Variants in GALNT13 observed in about 807,000 individuals in gnomAD.
GALNT13 encodes UDP-GalNAc:polypeptide N-acetylgalactosaminyltransferase 13.
In GALNT13, 28 loss-of-function variants were observed where a neutral mutation model predicts 64.2. That is an observed-to-expected ratio of 0.44 (90% CI 0.32 to 0.60). GALNT13 has a LOEUF of 0.60. GALNT13 is among the 20% of genes least tolerant of loss of function. The pLI, the probability that GALNT13 is intolerant of heterozygous loss-of-function variation, is 0.05. For missense variants in GALNT13, 577 were observed against 669.8 expected, an observed-to-expected ratio of 0.86 and a Z score of 1.53; for synonymous variants, 214 against 224.6, an observed-to-expected ratio of 0.95 and a Z score of 0.42.
At chr2:153,739,333 T>C in the GALNT13 span, among the ~76,000 whole-genome samples, 1 of 151,364 alleles carries the variant, frequency 6.6e-6, no homozygotes, top group Non-Finnish European at 1.5e-5. Flanking sequence ...TAACAACTGC[T>C]TTTTTTGTAT....
the GALNT13 span, among the ~76,000 whole-genome samples, chr2:153,416,038 A>C: frequency 6.6e-6 from 1 of 152,202 alleles, no homozygotes; most frequent in Non-Finnish European, 1.5e-5. Flanking sequence ...AAATCTACTG[A>C]AATTAGGCCC....
the GALNT13 span, among the ~76,000 whole-genome samples, chr2:153,641,211 A>G: frequency 1.4e-4 from 22 of 152,266 alleles, no homozygotes; most frequent in East Asian, 3.5e-3. Context: ...GGGAAATGAA[A>G]GGTCTACTCT....
chr2:154,183,673 C>T (rs1379276192), intron 4 of GALNT13, among the ~76,000 whole-genome samples: 1 of 152,080 alleles, frequency 6.6e-6, no homozygotes, highest in Non-Finnish European at 1.5e-5. Context: ...GATCATGCCA[C>T]TGCACTCCAG....
chr2:153,386,867 G>A, the GALNT13 span, among the ~76,000 whole-genome samples: 3 of 152,046 alleles, frequency 2.0e-5, no homozygotes, highest in Non-Finnish European at 2.9e-5. Context: ...TATGTGAGGC[G>A]ATGCCCTTCC....
At chr2:154,323,549 G>A (rs527379904) in intron 9 of GALNT13, among the ~76,000 whole-genome samples, 1 of 152,124 alleles carries the variant, frequency 6.6e-6, no homozygotes, top group East Asian at 1.9e-4. Flanking sequence ...TTTTGGATTA[G>A]CATGAATGGC....
At chr2:153,345,719 G>GTCCGTCCGTCCT in the GALNT13 span, among the ~76,000 whole-genome samples, 3,221 of 80,038 alleles carry the variant, frequency 0.04, 200 homozygotes, top group Non-Finnish European at 0.051. Context: ...CTCTCTTTCT[G>GTCCGTCCGTCCT]TCCTTCCTTC....
chr2:154,356,102 A>G (rs958744933), intron 9 of GALNT13, among the ~76,000 whole-genome samples: 3 of 152,014 alleles, frequency 2.0e-5, no homozygotes, highest in South Asian at 2.1e-4. Context: ...TCACTATTCT[A>G]TTGGTGAGAT....
chr2:153,088,879 C>G, the GALNT13 span, among the ~76,000 whole-genome samples: 1 of 152,072 alleles, frequency 6.6e-6, no homozygotes, highest in South Asian at 2.1e-4. Context: ...TTAGCTAAGT[C>G]CCTTGAAGAT....
chr2:153,974,435 A>G (rs974492682), intron 3 of GALNT13, among the ~76,000 whole-genome samples: 9 of 152,234 alleles, frequency 5.9e-5, no homozygotes, highest in Non-Finnish European at 8.8e-5. Flanking sequence ...AATAATGACC[A>G]CATGGATTTT....
chr2:153,206,382 A>G, the GALNT13 span, among the ~76,000 whole-genome samples: 1 of 152,102 alleles, frequency 6.6e-6, no homozygotes, highest in East Asian at 1.9e-4. Flanking sequence ...TAAAGTGGGC[A>G]TTGTAATAAC....
chr2:153,374,530 ACTTAT>A, the GALNT13 span, among the ~76,000 whole-genome samples: 1 of 152,066 alleles, frequency 6.6e-6, no homozygotes, highest in Non-Finnish European at 1.5e-5. Context: ...TTTTACACTG[ACTTAT>A]CTTGTAGTTC....
the GALNT13 span, among the ~76,000 whole-genome samples, chr2:153,509,919 T>G: frequency 6.6e-6 from 1 of 152,198 alleles, no homozygotes; most frequent in Admixed American, 6.5e-5. Flanking sequence ...CCTAAATTTG[T>G]TTTCAGTGAG....
At chr2:154,164,015 A>G (rs1163090622) in intron 4 of GALNT13, among the ~76,000 whole-genome samples, 1 of 152,172 alleles carries the variant, frequency 6.6e-6, no homozygotes. Context: ...ACTCTTCCTA[A>G]TTAAGATTAC....
At chr2:153,925,308 G>T (rs964584358) in intron 2 of GALNT13, among the ~76,000 whole-genome samples, 1 of 152,072 alleles carries the variant, frequency 6.6e-6, no homozygotes, top group South Asian at 2.1e-4. Flanking sequence ...ATTAAATAGG[G>T]AATGCTTTCC....
chr2:153,167,870 G>A, the GALNT13 span, among the ~76,000 whole-genome samples: 1 of 152,196 alleles, frequency 6.6e-6, no homozygotes, highest in Non-Finnish European at 1.5e-5. Flanking sequence ...GGAACAAAGA[G>A]GCTATTTTGT....
chr2:153,079,510 T>C, the GALNT13 span, among the ~76,000 whole-genome samples: 1 of 152,198 alleles, frequency 6.6e-6, no homozygotes, highest in Non-Finnish European at 1.5e-5. Context: ...ATCTGATTGG[T>C]TTAATTTCAC....
chr2:153,930,512 T>C (rs779907435), intron 2 of GALNT13, among the ~76,000 whole-genome samples: 5 of 152,100 alleles, frequency 3.3e-5, no homozygotes, highest in African/African-American at 4.8e-5. Flanking sequence ...TTACATATGG[T>C]GAAAGGAATT....
the GALNT13 span, among the ~76,000 whole-genome samples, chr2:153,672,118 C>A: frequency 6.6e-6 from 1 of 152,104 alleles, no homozygotes; most frequent in Non-Finnish European, 1.5e-5. Flanking sequence ...CTTTAACACC[C>A]CACTGTCAAT....
intron 11 of GALNT13, among the ~76,000 whole-genome samples, chr2:154,433,606 T>A (rs539307941): frequency 6.6e-6 from 1 of 152,180 alleles, no homozygotes; most frequent in Non-Finnish European, 1.5e-5. Context: ...CCTTTGCCTC[T>A]GCAGGCTGCC....
Sources: allele counts gnomAD v4.1 joint callset (sites outside exome capture counted in the v4.1 genomes callset), GRCh38; gene constraint gnomAD v4.1.1; transcripts MANE v1.5; gene names NCBI Gene and HGNC (gene_info 2026-07-23, HGNC 2026-07-21).